The following PCDHGB7 variants were observed in gnomAD, a reference collection of about 807,000 sequenced individuals.
PCDHGB7 encodes the protein protocadherin gamma subfamily B, 7.
In PCDHGB7, 37 loss-of-function variants were observed where a neutral mutation model predicts 61.4. That is an observed-to-expected ratio of 0.60 (90% CI 0.46 to 0.79). The LOEUF is 0.79. PCDHGB7 is among the 30% of genes least tolerant of loss of function. PCDHGB7 has a pLI of 0.00. For synonymous variants in PCDHGB7, 464 were observed against 503.5 expected (o/e 0.92, Z 1.05); for missense variants, 1,166 against 1,202.5 (o/e 0.97, Z 0.45).
intron 2 of PCDHGB7, among the ~76,000 whole-genome samples, chr5:141,501,536 G>A (rs570102957): frequency 5.9e-5 from 9 of 152,054 alleles, no homozygotes; most frequent in African/African-American, 2.2e-4. Context: ...GTACGTTGTT[G>A]TGCATAAGAT....
chr5:141,496,621 C>A (rs1297797187), intron 2 of PCDHGB7, among the ~76,000 whole-genome samples: 1 of 152,214 alleles, frequency 6.6e-6, no homozygotes. Context: ...AGCAGCAGAT[C>A]AAAAGGCTTG....
Position 141,420,119 on chromosome 5 carries a change from T to C in PCDHGB7, c.2260T>C (p.Phe754Leu). The C allele has an allele frequency of 6.2e-7, 1 of 1,614,044 alleles. No homozygotes were observed. The highest frequency in any genetic ancestry group is 8.5e-7 in the Non-Finnish European group (1 of 1,179,902). The change falls in exon 1 of 4, where the codon TTT becomes CTT. Residue 754 changes from phenylalanine to leucine, a missense_variant. Phe to Leu is a conservative substitution (Grantham distance 22). Coordinates refer to ENST00000398594, the MANE Select transcript of PCDHGB7 (RefSeq NM_018927.4). ...GGGAACGTTGCCCTATGCCTATAATTTTTGTGTGCCTGGGGATCAAATGAA... is the reference window on the plus strand; with the variant it reads ...GGGAACGTTGCCCTATGCCTATAATCTTTGTGTGCCTGGGGATCAAATGAA... ...SEGTLPYAYN[F>L]CVPGDQMNPE...
In PCDHGB7 at chr5:141,487,869, G is replaced by T; in HGVS notation, c.2416-6938G>T. On this transcript the variant is annotated intron_variant, in intron 1 of 3. Transcript: ENST00000398594. This position sits in a 1 kb window ranked among gnomAD's most constrained non-coding sequence, Gnocchi z 5.0. ...AAATGAAAGTAATTGGTGATCAAGA[G>T]CCAGGCTGTTGTGGAAGCATGATGA... 1.1e-6 allele frequency: 1 copy of T among 871,620 alleles called. No individual in the cohort carries two copies. The highest frequency in any genetic ancestry group is 1.7e-6 in the Non-Finnish European group (1 of 574,346). The allele number at this position is 871,620 out of a possible 1,614,324, so 54.0% of individuals were successfully genotyped here. A position where few individuals can be genotyped will look rare whatever the true frequency, so the allele number is the denominator to read the frequency against.
rs201412037 is a variant in PCDHGB7, at chr5:141,421,093, A to G, written c.2415+819A>G. The G allele has an allele frequency of 3.5e-5, 23 of 665,630 alleles. No homozygotes were observed. In the East Asian group the frequency reaches 6.2e-4, roughly 18 times the overall value. 41.2% of individuals were successfully genotyped at this position (665,630 alleles called of 1,614,324 possible). On this transcript the variant is annotated intron_variant, in intron 1 of 3. Coordinates refer to ENST00000398594, the MANE Select transcript of PCDHGB7 (RefSeq NM_018927.4). ...GAGATGGATACTCACAGATCCTGAC[A>G]CTGGAGACTTAGAAGTATTTTCCTT... is the stretch of plus-strand genomic sequence containing the variant.
At position 141,431,754 on chromosome 5, in the gene PCDHGB7, A is replaced by C; in HGVS notation, c.2415+11480A>C. ...AATGCAGGATATTCTGCGCGAGCCA[A>C]AGTCCTGATCACTGTTCTGGACGTG... On this transcript the variant is annotated intron_variant, in intron 1 of 3. Transcript: ENST00000398594. The surrounding 1 kb of genome is among the most constrained non-coding windows in gnomAD (Gnocchi z 4.8). The C allele has an allele frequency of 6.2e-7, 1 of 1,614,208 alleles. No individual in the cohort carries two copies. Among genetic ancestry groups the C allele is most frequent in the Middle Eastern group, 1.6e-4 (1 of 6,062 alleles).
chr5:141,508,737 C>A (rs919094477), intron 3 of PCDHGB7, among the ~76,000 whole-genome samples: 8 of 152,010 alleles, frequency 5.3e-5, no homozygotes, highest in Non-Finnish European at 1.2e-4. Flanking sequence ...CTACACCCCC[C>A]ACCCCGCTCT....
At chr5:141,465,657 G>A (rs904553709) in intron 1 of PCDHGB7, among the ~76,000 whole-genome samples, 4 of 152,130 alleles carry the variant, frequency 2.6e-5, no homozygotes, top group East Asian at 1.9e-4. Flanking sequence ...CCAAAAAAGC[G>A]CTTGCCATGA....
intron 1 of PCDHGB7, chr5:141,479,355 A>G (rs2099493778): frequency 6.6e-6 from 1 of 152,506 alleles, no homozygotes; most frequent in Non-Finnish European, 1.5e-5. Flanking sequence ...CTTGCTGCTC[A>G]GTGCCTGAGG....
At position 141,423,563 on chromosome 5, in the gene PCDHGB7, C is replaced by T. The variant is rs745802952; in HGVS notation, c.2415+3289C>T. 9.9e-6 allele frequency: 16 copies of T among 1,613,436 alleles called. No homozygotes were observed. In the Admixed American group the frequency reaches 2.3e-4, roughly 24 times the overall value. ...TTCCCCCAGCCCAACTATGGGGACA[C>T]GCTCATCAGCCAGGAGAGCTGTGAG... On this transcript the variant is annotated intron_variant, in intron 1 of 3. Coordinates refer to ENST00000398594, the MANE Select transcript of PCDHGB7 (RefSeq NM_018927.4).
chr5:141,485,426 C>T lies in PCDHGB7; in HGVS notation c.2416-9381C>T. 6.2e-7 allele frequency: 1 copy of T among 1,614,158 alleles called. No individual in the cohort carries two copies. Among genetic ancestry groups the T allele is most frequent in the South Asian group, 1.1e-5 (1 of 91,078 alleles). ...TGTGGATTTGGACAGCGGAGCCCTGCTCATCAAGAACCCAATCGACCGAGA... is the reference window on the plus strand; with the variant it reads ...TGTGGATTTGGACAGCGGAGCCCTGTTCATCAAGAACCCAATCGACCGAGA... On this transcript the variant is annotated intron_variant, in intron 1 of 3. Transcript: ENST00000398594. The surrounding 1 kb of genome is among the most constrained non-coding windows in gnomAD (Gnocchi z 5.7).
rs532725430 is a variant in PCDHGB7, at chr5:141,429,107, G to A, written c.2415+8833G>A. On this transcript the variant is annotated intron_variant, in intron 1 of 3. Transcript: ENST00000398594. ...CTGACCTCGTGATCTGCCCGCCTCG[G>A]CCTCCCAAAGTGCTGGGATTATAGG... The A allele has an allele frequency of 3.8e-3, 579 of 152,026 alleles. 5 individuals are homozygous for A. Among genetic ancestry groups the A allele is most frequent in the Admixed American group, 0.011 (166 of 15,232 alleles). The allele number at this position is 152,026 out of a possible 1,614,324, so 9.4% of individuals were successfully genotyped here. A position where few individuals can be genotyped will look rare whatever the true frequency, so the allele number is the denominator to read the frequency against.
chr5:141,423,923 G>A (rs2096790975), intron 1 of PCDHGB7: 2 of 1,254,626 alleles, frequency 1.6e-6, no homozygotes, highest in African/African-American at 1.6e-5. Flanking sequence ...CAACTATGCT[G>A]GTTTGGTTTG....
In PCDHGB7 at chr5:141,419,674, C is replaced by A. The variant is rs372932653; in HGVS notation, c.1815C>A (p.Ser605=). 1 of 1,612,938 alleles carries A rather than the reference C, an allele frequency of 6.2e-7. No homozygotes were observed. The highest frequency in any genetic ancestry group is 8.5e-7 in the Non-Finnish European group (1 of 1,179,692). ...DADSGHNAWL[S]YHVVQASEPG... ...ACTCGGGGCACAATGCCTGGCTGTC[C>A]TACCACGTGGTGCAGGCCAGTGAGC... The change falls in exon 1 of 4, where the codon TCC becomes TCA. Residue 605 remains serine (S), a synonymous_variant. Transcript: ENST00000398594.
chr5:141,422,205 A>G (rs758255761), intron 1 of PCDHGB7: 2 of 1,562,218 alleles, frequency 1.3e-6, no homozygotes, highest in Non-Finnish European at 1.7e-6. Flanking sequence ...AAGATGGTGG[A>G]GGTCTCTTTA....
chr5:141,505,259 C>A, intron 2 of PCDHGB7, 134 bp from the exon 3 acceptor site: 1 of 1,500,262 alleles, frequency 6.7e-7, no homozygotes, highest in Non-Finnish European at 8.9e-7. Context: ...GTGCCTCCTA[C>A]CTTGCTGAGA....
intron 2 of PCDHGB7, among the ~76,000 whole-genome samples, chr5:141,501,821 G>A (rs910825533): frequency 1.3e-5 from 2 of 152,028 alleles, no homozygotes; most frequent in Non-Finnish European, 2.9e-5. Context: ...ATAATTGGCA[G>A]CCCACCCACC....
At chr5:141,501,691 G>C (rs910322085) in intron 2 of PCDHGB7, among the ~76,000 whole-genome samples, 1 of 152,092 alleles carries the variant, frequency 6.6e-6, no homozygotes, top group Non-Finnish European at 1.5e-5. Context: ...CTTATCTGCA[G>C]GGTGATTCCG....
At position 141,417,798 on chromosome 5, in the gene PCDHGB7, C is replaced by G. The variant is rs2096163233; in HGVS notation, c.-62C>G. ...TGTCCTGGGCCGAATGCTCTTTTAG[C>G]GCGGTAGAGTGCACTTTCTCCAACT... On this transcript the variant is annotated 5_prime_UTR_variant, in exon 1 of 4. Transcript: ENST00000398594. The G allele has an allele frequency of 6.7e-7, 1 of 1,486,352 alleles. No homozygotes were observed. The highest frequency in any genetic ancestry group is 1.4e-5 in the African/African-American group (1 of 71,010). The allele number at this position is 1,486,352 out of a possible 1,614,324, so 92.1% of individuals were successfully genotyped here. A position where few individuals can be genotyped will look rare whatever the true frequency, so the allele number is the denominator to read the frequency against.
intron 2 of PCDHGB7, among the ~76,000 whole-genome samples, chr5:141,497,894 A>AG (rs1562181617): frequency 2.0e-5 from 3 of 152,186 alleles, no homozygotes; most frequent in Admixed American, 6.5e-5. Context: ...GATCTAGTCC[A>AG]GTAACTTCAA....
Sources: gnomAD v4.1 joint callset for allele counts (sites outside exome capture counted in the v4.1 genomes callset) on GRCh38, gnomAD v4.1.1 for gene constraint, Gnocchi (gnomAD v3.1) non-coding constraint, MANE v1.5 for transcripts, NCBI Gene and HGNC (gene_info 2026-07-23, HGNC 2026-07-21) for gene names.